Variants in STK3 observed in about 807,000 individuals in gnomAD.
STK3 encodes the protein serine/threonine-protein kinase 3.
A neutral mutation model predicts 58.0 loss-of-function variants in STK3; 41 were observed. The observed-to-expected ratio is 0.71, with a 90% CI of 0.55 to 0.92. The LOEUF (loss-of-function observed/expected upper bound fraction) is 0.92. Among genes scored for constraint, STK3 ranks in the 40% least tolerant of loss-of-function variants. The pLI, the probability that STK3 is intolerant of heterozygous loss-of-function variation, is 0.00. For synonymous variants in STK3, 170 were observed against 191.0 expected, an observed-to-expected ratio of 0.89 and a Z score of 0.91; for missense variants, 479 against 602.7, an observed-to-expected ratio of 0.79 and a Z score of 2.15.
At chr8:98,470,125 C>A (rs778452354) in intron 10 of STK3, among the ~76,000 whole-genome samples, 1 of 152,132 alleles carries the variant, frequency 6.6e-6, no homozygotes, top group Non-Finnish European at 1.5e-5. Flanking sequence ...GTCAGAGTAG[C>A]GGTGCAATAC....
At chr8:98,806,190 T>A (rs1354916113) in intron 1 of STK3, among the ~76,000 whole-genome samples, 2 of 152,052 alleles carry the variant, frequency 1.3e-5, no homozygotes, top group African/African-American at 4.8e-5. Flanking sequence ...ACTGTTTAAA[T>A]AACATATCTA....
intron 10 of STK3, among the ~76,000 whole-genome samples, chr8:98,504,075 T>C (rs1476542682): frequency 6.6e-6 from 1 of 152,234 alleles, no homozygotes; most frequent in African/African-American, 2.4e-5. Flanking sequence ...TGCCCCTGCA[T>C]TGGGTGGTAC....
the STK3 span, among the ~76,000 whole-genome samples, chr8:98,362,324 G>C: frequency 6.6e-6 from 1 of 152,192 alleles, no homozygotes; most frequent in Non-Finnish European, 1.5e-5. Flanking sequence ...AGGGGTAAGA[G>C]AGAGTGGGCT....
At chr8:98,875,594 C>T (rs1177337832) in intron 3 of STK3, 1 of 152,168 alleles carries the variant, frequency 6.6e-6, no homozygotes, top group Non-Finnish European at 1.5e-5. Context: ...TCATTCTTCC[C>T]AGAGGTTAAG....
chr8:98,767,471 A>G, intron 2 of STK3, 100 bp from the exon 3 acceptor site: 1 of 1,110,076 alleles, frequency 9.0e-7, no homozygotes, highest in Admixed American at 3.4e-5. Flanking sequence ...TTCTAGTTTA[A>G]AACACTATTT....
chr8:98,348,265 G>T, the STK3 span, among the ~76,000 whole-genome samples: 11 of 152,056 alleles, frequency 7.2e-5, no homozygotes, highest in Non-Finnish European at 1.6e-4. Flanking sequence ...GCTCAAAATG[G>T]ATCATAAGCT....
intron 10 of STK3, among the ~76,000 whole-genome samples, chr8:98,471,107 C>T (rs1820884338): frequency 6.6e-6 from 1 of 152,062 alleles, no homozygotes; most frequent in South Asian, 2.1e-4. Flanking sequence ...GCTTACAGCT[C>T]GATCACTGGC....
chr8:98,510,865 A>G (rs1824461477), intron 10 of STK3, among the ~76,000 whole-genome samples: 3 of 152,110 alleles, frequency 2.0e-5, no homozygotes. Flanking sequence ...GAAGTAATTG[A>G]TAATACAGAG....
At chr8:98,522,531 TTC>T (rs1174361099) in intron 10 of STK3, among the ~76,000 whole-genome samples, 2 of 152,166 alleles carry the variant, frequency 1.3e-5, no homozygotes, top group African/African-American at 4.8e-5. Flanking sequence ...CTTTCCCCTC[TTC>T]TCTTATGCAT....
intron 1 of STK3, among the ~76,000 whole-genome samples, chr8:98,447,040 G>C (rs1204028197): frequency 6.6e-6 from 1 of 152,102 alleles, no homozygotes; most frequent in African/African-American, 2.4e-5. Context: ...TGAATGATGA[G>C]AACACATGGA....
chr8:98,367,026 G>C (rs528861752), downstream of STK3, among the ~76,000 whole-genome samples: 5 of 152,330 alleles, frequency 3.3e-5, no homozygotes, highest in Non-Finnish European at 7.3e-5. Context: ...ACAAAGTAGA[G>C]ACTGGAACTC....
chr8:98,490,212 C>T (rs940532600), intron 10 of STK3, among the ~76,000 whole-genome samples: 3 of 152,080 alleles, frequency 2.0e-5, no homozygotes, highest in African/African-American at 7.2e-5. Context: ...ATAGAGGAAA[C>T]ACTAATTTCT....
chr8:98,834,991 T>C (rs966328398), intron 3 of STK3, among the ~76,000 whole-genome samples: 1 of 152,206 alleles, frequency 6.6e-6, no homozygotes, highest in Non-Finnish European at 1.5e-5. Flanking sequence ...AAGCTCTTGA[T>C]TGGCTATTCA....
chr8:98,869,038 G>GGAAGGAAGGAA (rs1837255887), intron 3 of STK3, among the ~76,000 whole-genome samples: 1 of 107,940 alleles, frequency 9.3e-6, no homozygotes, highest in Non-Finnish European at 2.0e-5. Flanking sequence ...AAGGAAGGAA[G>GGAAGGAAGGAA]GAAGGAAGGA....
chr8:98,592,775 T>TTATA (rs2129926434), intron 7 of STK3, among the ~76,000 whole-genome samples: 1 of 149,714 alleles, frequency 6.7e-6, no homozygotes, highest in East Asian at 1.9e-4. Context: ...ATTTATTTAT[T>TTATA]TATTTTGAGA....
At chr8:98,914,258 C>T (rs1281311112) in intron 1 of STK3, among the ~76,000 whole-genome samples, 1 of 152,026 alleles carries the variant, frequency 6.6e-6, no homozygotes, top group Admixed American at 6.6e-5. Flanking sequence ...CCAGCCTAGG[C>T]AACATGGCAA....
At chr8:98,845,609 A>G (rs1836171838) in intron 3 of STK3, among the ~76,000 whole-genome samples, 1 of 152,146 alleles carries the variant, frequency 6.6e-6, no homozygotes. Context: ...AAGTTTTCTC[A>G]TATGTTTTCT....
chr8:98,546,548 T>A (rs571261742), intron 9 of STK3, among the ~76,000 whole-genome samples: 1 of 152,310 alleles, frequency 6.6e-6, no homozygotes, highest in African/African-American at 2.4e-5. Context: ...TATCAGCTTA[T>A]GGAAAATTGA....
In STK3 at chr8:98,771,725, C is replaced by T. The variant is rs998314358; in HGVS notation, c.107+3014G>A. Among the ~76,000 whole-genome samples, 87 of 152,146 alleles carry T rather than the reference C, an allele frequency of 5.7e-4. 1 individual carries two copies. Among genetic ancestry groups the T allele is most frequent in the African/African-American group, 1.8e-3 (73 of 41,518 alleles). On this transcript the variant is annotated intron_variant, in intron 2 of 10. Transcript: ENST00000419617. ...GATTACAGGCACATGCCACCACGCC[C>T]GGCTAATTTTTGTATTTTTAGTAGA... is the stretch of plus-strand genomic sequence containing the variant.
Sources: gnomAD v4.1 joint callset for allele counts (sites outside exome capture counted in the v4.1 genomes callset) on GRCh38, gnomAD v4.1.1 for gene constraint, MANE v1.5 for transcripts, NCBI Gene and HGNC (gene_info 2026-07-23, HGNC 2026-07-21) for gene names.